Variants in ING3 observed in about 807,000 individuals in gnomAD.
ING3 encodes inhibitor of growth protein 3.
In ING3, 6 loss-of-function variants were observed where a neutral mutation model predicts 64.8. The ratio of observed to expected loss-of-function variants is 0.09; its 90% CI spans 0.05 to 0.18. ING3 has a LOEUF of 0.18. ING3 is among the 10% of genes least tolerant of loss of function. The probability of loss-of-function intolerance (pLI) is 1.00; values close to 1 mark genes in which losing one functional copy is unlikely to be tolerated. For missense variants in ING3, 310 were observed against 489.7 expected, an observed-to-expected ratio of 0.63 and a Z score of 3.46; for synonymous variants, 170 against 173.7, an observed-to-expected ratio of 0.98 and a Z score of 0.17.
At position 120,959,630 on chromosome 7, in the gene ING3, A is replaced by ATTTT. The variant is rs397889009; in HGVS notation, c.267+4036_267+4039dup. On this transcript the variant is annotated intron_variant, in intron 4 of 11. Coordinates refer to ENST00000315870, the MANE Select transcript of ING3 (RefSeq NM_019071.3). Reference sequence around the variant, plus strand: ...CCTATACTCCTTGTCACTTCCTCACATTTTTTTTTTTTTTTTTTTTTTTTT... The same window carrying ATTTT: ...CCTATACTCCTTGTCACTTCCTCACATTTTTTTTTTTTTTTTTTTTTTTTTTTTT... 1.7e-3 allele frequency among the ~76,000 whole-genome samples: 92 copies of ATTTT among 55,706 alleles called. 3 individuals carry two copies. The highest frequency in any genetic ancestry group is 2.2e-3 in the Non-Finnish European group (67 of 30,454). 36.5% of individuals were successfully genotyped at this position (55,706 alleles called of 152,430 possible). A position where few individuals can be genotyped will look rare whatever the true frequency, so the allele number is the denominator to read the frequency against.
chr7:120,962,932 T>C (rs1383210158), intron 4 of ING3, among the ~76,000 whole-genome samples: 1 of 152,140 alleles, frequency 6.6e-6, no homozygotes, highest in East Asian at 1.9e-4. Flanking sequence ...TTCTAATTCC[T>C]ATGAAGGCAA....
intron 2 of ING3, 136 bp downstream of exon 2, chr7:120,951,371 A>G (rs1232542705): frequency 6.4e-6 from 5 of 783,166 alleles, no homozygotes; most frequent in Non-Finnish European, 1.0e-5. Context: ...TGTCAAAAAG[A>G]ACTGGCAGCC....
intron 4 of ING3, among the ~76,000 whole-genome samples, chr7:120,963,846 G>C (rs113053604): frequency 1.3e-5 from 2 of 152,168 alleles, no homozygotes; most frequent in African/African-American, 4.8e-5. Flanking sequence ...ATATCTGTAA[G>C]AAAGTTATTT....
chr7:120,968,184 C>T (rs1796021979), intron 8 of ING3, 93 bp downstream of exon 8: 3 of 1,104,982 alleles, frequency 2.7e-6, no homozygotes, highest in Middle Eastern at 2.3e-4. Context: ...AAATAGTTTT[C>T]TAACGTTGTA....
In ING3 at chr7:120,976,348, A is replaced by G. The variant is rs1175298618; in HGVS notation, c.*1504A>G. 6.6e-6 allele frequency: 1 copy of G among 152,076 alleles called. No individual in the cohort carries two copies. Among genetic ancestry groups the G allele is most frequent in the East Asian group, 1.9e-4 (1 of 5,190 alleles). The allele number at this position is 152,076 out of a possible 1,614,324, so 9.4% of individuals were successfully genotyped here. ...TGTAAAATCTATGCAGTGCTACCCA[A>G]AGGGTGTGAGGTAGATAGGGGATTT... On this transcript the variant is annotated 3_prime_UTR_variant, in exon 12 of 12. Coordinates refer to ENST00000315870, the MANE Select transcript of ING3 (RefSeq NM_019071.3).
At chr7:120,955,515 T>C (rs905569365) in intron 3 of ING3, 44 bp from the exon 4 acceptor site, 10 of 1,302,222 alleles carry the variant, frequency 7.7e-6, no homozygotes, top group Non-Finnish European at 1.1e-5. Flanking sequence ...ATGAATATTT[T>C]AAAATGATTA....
chr7:120,965,128 G>A (rs1795980947), intron 5 of ING3, among the ~76,000 whole-genome samples: 1 of 152,030 alleles, frequency 6.6e-6, no homozygotes, highest in African/African-American at 2.4e-5. Context: ...GTAACCATCG[G>A]GAGACAAATT....
intron 6 of ING3, among the ~76,000 whole-genome samples, chr7:120,967,211 C>G (rs1044450096): frequency 1.3e-5 from 2 of 152,174 alleles, no homozygotes; most frequent in Admixed American, 6.5e-5. Flanking sequence ...TTTGACACAT[C>G]AATTTGGTGG....
intron 4 of ING3, among the ~76,000 whole-genome samples, chr7:120,961,138 T>C (rs1795927941): frequency 1.3e-5 from 2 of 152,216 alleles, no homozygotes; most frequent in African/African-American, 4.8e-5. Flanking sequence ...CCTGTCCTTA[T>C]TGTCTTTCAG....
At position 120,968,000 on chromosome 7, in the gene ING3, T is replaced by C; in HGVS notation, c.623T>C (p.Leu208Pro). Reference protein sequence around the residue: ...NAYNVNSSQPLGSYNIGSLSS... With the variant: ...NAYNVNSSQPPGSYNIGSLSS... ...TACAATGTGAATTCCTCCCAACCTCTGGGATCCTATAACATTGGCTCGTTA... is the reference window on the plus strand; with the variant it reads ...TACAATGTGAATTCCTCCCAACCTCCGGGATCCTATAACATTGGCTCGTTA... The change falls in exon 8 of 12, where the codon CTG becomes CCG. Residue 208 changes from leucine to proline, a missense_variant. By Grantham distance (98) the Leu-to-Pro change is moderately conservative. Around this residue, in one of 3 missense-constraint regions of ING3, gnomAD observed 233 missense variants for 289.4 expected, o/e 0.81. Coordinates refer to ENST00000315870, the MANE Select transcript of ING3 (RefSeq NM_019071.3). 6.2e-7 allele frequency: 1 copy of C among 1,614,138 alleles called. No individual in the cohort carries two copies. The highest frequency in any genetic ancestry group is 1.1e-5 in the South Asian group (1 of 91,084).
Position 120,966,713 on chromosome 7 carries a change from T to C in ING3, c.436+16T>C, listed in dbSNP as rs1796001370. ...CCAGTGGAAAGTAAGTTTGGTGTAG[T>C]GCAGCTAAGTTTTAAAAACAATGAA... On this transcript the variant is annotated intron_variant, in intron 6 of 11. Coordinates refer to ENST00000315870, the MANE Select transcript of ING3 (RefSeq NM_019071.3). The C allele has an allele frequency of 1.3e-6, 2 of 1,586,038 alleles. No individual in the cohort carries two copies. The highest frequency in any genetic ancestry group is 1.7e-5 in the Admixed American group (1 of 59,960).
Position 120,966,648 on chromosome 7 carries a change from T to G in ING3, c.387T>G (p.Pro129=), listed in dbSNP as rs773557677. Residue 129 remains proline, a synonymous_variant, in exon 6 of 12, where the codon CCT becomes CCG. Coordinates refer to ENST00000315870, the MANE Select transcript of ING3 (RefSeq NM_019071.3). Reference sequence around the variant, plus strand: ...TAGGATCTTTGGAATTAGACACTCCTTCACAGCCAGTGAACAATCACCATG... The same window carrying G: ...TAGGATCTTTGGAATTAGACACTCCGTCACAGCCAGTGAACAATCACCATG... The part of the protein sequence containing the change: ...LERRSLELDT[P]SQPVNNHHAH... The G allele has an allele frequency of 6.2e-7, 1 of 1,613,554 alleles. No homozygotes were observed. Among genetic ancestry groups the G allele is most frequent in the South Asian group, 1.1e-5 (1 of 91,074 alleles).
chr7:120,951,000 A>G (rs1414806002), intron 1 of ING3, 76 bp downstream of exon 1: 2 of 661,072 alleles, frequency 3.0e-6, no homozygotes, highest in Admixed American at 3.9e-5. Flanking sequence ...GGGCAGCGAG[A>G]TGGCGGGAGG....
At chr7:120,974,666 T>G in intron 11 of ING3, 62 bp from the exon 12 acceptor site, 1 of 889,964 alleles carries the variant, frequency 1.1e-6, no homozygotes, top group Non-Finnish European at 1.9e-6. Flanking sequence ...TGAGCATATT[T>G]TAATATACTC....
In ING3 at chr7:120,966,668, A is replaced by G. The variant is rs1418157512; in HGVS notation, c.407A>G (p.His136Arg). ...ACTCCTTCACAGCCAGTGAACAATC[A>G]CCATGCTCATTCACATACTCCAGTG... ...LDTPSQPVNN[H>R]HAHSHTPVEK... The change falls in exon 6 of 12, where the codon CAC becomes CGC. Residue 136 changes from histidine (H) to arginine (R), a missense_variant. Physicochemically the swap from His to Arg is conservative, Grantham distance 29. Around this residue, in one of 3 missense-constraint regions of ING3, gnomAD observed 233 missense variants for 289.4 expected, o/e 0.81. Transcript: ENST00000315870. The G allele has an allele frequency of 1.2e-6, 2 of 1,613,592 alleles. No homozygotes were observed. Among genetic ancestry groups the G allele is most frequent in the Non-Finnish European group, 1.7e-6 (2 of 1,179,646 alleles).
intron 10 of ING3, among the ~76,000 whole-genome samples, chr7:120,972,559 T>G (rs957870741): frequency 1.8e-4 from 27 of 152,250 alleles, no homozygotes; most frequent in African/African-American, 6.3e-4. Context: ...CTGTAGAGCT[T>G]TCAGGGAAAA....
intron 4 of ING3, among the ~76,000 whole-genome samples, chr7:120,960,229 G>A (rs1307072406): frequency 1.3e-5 from 2 of 152,148 alleles, no homozygotes; most frequent in Non-Finnish European, 2.9e-5. Context: ...GAGAGGCCGG[G>A]GTGGTTGGTC....
chr7:120,954,733 T>A (rs920195700), intron 3 of ING3, among the ~76,000 whole-genome samples: 2 of 152,170 alleles, frequency 1.3e-5, no homozygotes, highest in Non-Finnish European at 2.9e-5. Context: ...TAGTATCATC[T>A]TCTTTCCCCC....
chr7:120,958,390 G>A (rs1395358070), intron 4 of ING3, among the ~76,000 whole-genome samples: 1 of 152,022 alleles, frequency 6.6e-6, no homozygotes, highest in Non-Finnish European at 1.5e-5. Flanking sequence ...GGCTCAGATT[G>A]AAAAACTGGT....
Sources: gnomAD v4.1 joint callset for allele counts (sites outside exome capture counted in the v4.1 genomes callset) on GRCh38, gnomAD v4.1.1 for gene constraint, gnomAD v4.1.1 regional missense constraint, MANE v1.5 for transcripts, NCBI Gene and HGNC (gene_info 2026-07-23, HGNC 2026-07-21) for gene names.